Variants in RAPGEF2 observed in about 807,000 individuals in gnomAD.
RAPGEF2 encodes the protein Rap guanine nucleotide exchange factor 2.
RAPGEF2 carries 54 observed loss-of-function variants against 186.7 expected under a neutral mutation model. The ratio of observed to expected loss-of-function variants is 0.29; its 90% confidence interval spans 0.23 to 0.36. The LOEUF is 0.36. RAPGEF2 is among the 10% of genes least tolerant of loss of function. The probability of loss-of-function intolerance (pLI) is 1.00; values close to 1 mark genes in which losing one functional copy is unlikely to be tolerated. For missense variants in RAPGEF2, 1,532 were observed against 2,045.0 expected, an observed-to-expected ratio of 0.75 and a Z score of 4.84; for synonymous variants, 712 against 705.9, an observed-to-expected ratio of 1.01 and a Z score of -0.14.
chr4:159,348,513 A>G (rs191923515), intron 25 of RAPGEF2, among the ~76,000 whole-genome samples: 9 of 152,206 alleles, frequency 5.9e-5, no homozygotes, highest in African/African-American at 1.7e-4. Flanking sequence ...TCCTAGGTAC[A>G]TTTCTCCTTT....
At chr4:159,182,117 T>C (rs1432891850) in intron 1 of RAPGEF2, among the ~76,000 whole-genome samples, 8 of 152,204 alleles carry the variant, frequency 5.3e-5, no homozygotes, top group East Asian at 3.8e-4. Context: ...ATTGAACTTA[T>C]GGGACCTGTT....
At chr4:159,235,556 A>G (rs1413925402) in intron 4 of RAPGEF2, among the ~76,000 whole-genome samples, 1 of 152,190 alleles carries the variant, frequency 6.6e-6, no homozygotes, top group Non-Finnish European at 1.5e-5. Flanking sequence ...GTTATTTGCA[A>G]TCCTGAAGAT....
At chr4:159,139,196 GGGAACTC>G (rs1324373418) in intron 1 of RAPGEF2, among the ~76,000 whole-genome samples, 1 of 152,140 alleles carries the variant, frequency 6.6e-6, no homozygotes, top group African/African-American at 2.4e-5. Flanking sequence ...GCATAGTGCA[GGGAACTC>G]ACAGTCCAGT....
At chr4:159,266,565 T>C (rs1757451797) in intron 7 of RAPGEF2, among the ~76,000 whole-genome samples, 1 of 152,164 alleles carries the variant, frequency 6.6e-6, no homozygotes, top group African/African-American at 2.4e-5. Context: ...CTCTGAAGTT[T>C]GGTTTGGTTT....
intron 19 of RAPGEF2, among the ~76,000 whole-genome samples, chr4:159,339,890 C>T (rs368956208): frequency 6.6e-6 from 1 of 152,214 alleles, no homozygotes; most frequent in African/African-American, 2.4e-5. Context: ...CACTTCTTAA[C>T]GCTGAAACCA....
In RAPGEF2 at chr4:159,190,833, CAT is replaced by C. The variant is rs150060604; in HGVS notation, c.141-2366_141-2365del. Among the ~76,000 whole-genome samples, 1,260 of 152,312 alleles carry C rather than the reference CAT, an allele frequency of 8.3e-3. 16 individuals carry two copies. Among genetic ancestry groups the C allele is most frequent in the African/African-American group, 0.029 (1,188 of 41,572 alleles). On this transcript the variant is annotated intron_variant, in intron 2 of 29. Transcript: ENST00000691494. ...TTATCACCACTGATCCCTCTCATGA[CAT>C]GTGGGGATTATGGGAACTGCAATTC...
intron 19 of RAPGEF2, 121 bp from the exon 20 acceptor site, chr4:159,341,443 T>C (rs913223964): frequency 2.9e-6 from 3 of 1,022,624 alleles, no homozygotes; most frequent in Middle Eastern, 3.1e-4. Context: ...TAAAAAGAAA[T>C]CTTCCATAAT....
chr4:159,295,974 C>T (rs1206167160), intron 7 of RAPGEF2, among the ~76,000 whole-genome samples: 1 of 151,978 alleles, frequency 6.6e-6, no homozygotes, highest in Non-Finnish European at 1.5e-5. Context: ...TGACCCCAAG[C>T]GATCTTAGCT....
chr4:159,209,876 G>A (rs1231928141), intron 3 of RAPGEF2, among the ~76,000 whole-genome samples: 2 of 152,154 alleles, frequency 1.3e-5, no homozygotes, highest in Admixed American at 1.3e-4. Context: ...TCAGTAGGGG[G>A]TTGCTTAAGT....
At chr4:159,181,676 C>G (rs1747025520) in intron 1 of RAPGEF2, among the ~76,000 whole-genome samples, 1 of 148,062 alleles carries the variant, frequency 6.8e-6, no homozygotes, top group Non-Finnish European at 1.5e-5. Flanking sequence ...GCTGGAACTA[C>G]AGGCATGCAT....
intron 7 of RAPGEF2, among the ~76,000 whole-genome samples, chr4:159,301,728 A>T (rs1377552802): frequency 1.3e-5 from 2 of 152,156 alleles, no homozygotes; most frequent in African/African-American, 4.8e-5. Context: ...ACATGGTGGC[A>T]TGTGCCTGTG....
chr4:159,194,997 G>A (rs562181897), intron 3 of RAPGEF2, among the ~76,000 whole-genome samples: 7 of 152,316 alleles, frequency 4.6e-5, no homozygotes, highest in African/African-American at 1.7e-4. Context: ...GGAGGAGTCA[G>A]GGATGTTGGA....
intron 7 of RAPGEF2, among the ~76,000 whole-genome samples, chr4:159,290,207 A>C (rs1468518769): frequency 6.6e-6 from 1 of 152,234 alleles, no homozygotes; most frequent in Non-Finnish European, 1.5e-5. Context: ...GCTGTCACAC[A>C]TAGTGGGAGC....
intron 4 of RAPGEF2, chr4:159,229,303 CAAG>C (rs958025579): frequency 4.6e-5 from 7 of 152,100 alleles, no homozygotes; most frequent in Non-Finnish European, 7.4e-5. Context: ...TTCTGACGTA[CAAG>C]AAGAATGTGG....
chr4:159,105,661 A>T (rs560070040), intron 1 of RAPGEF2, among the ~76,000 whole-genome samples: 1 of 152,238 alleles, frequency 6.6e-6, no homozygotes, highest in African/African-American at 2.4e-5. Context: ...GGTGTTGCAC[A>T]CGCTGCCTTT....
intron 7 of RAPGEF2, among the ~76,000 whole-genome samples, chr4:159,293,385 G>A (rs946036528): frequency 2.0e-5 from 3 of 152,098 alleles, no homozygotes; most frequent in African/African-American, 7.2e-5. Context: ...TGACAGCATG[G>A]GCTTTATTTT....
chr4:159,108,939 G>A (rs1407834425), intron 1 of RAPGEF2, among the ~76,000 whole-genome samples: 1 of 152,006 alleles, frequency 6.6e-6, no homozygotes, highest in African/African-American at 2.4e-5. Flanking sequence ...GACTGGTCAT[G>A]AAGTCCTGGG....
intron 4 of RAPGEF2, chr4:159,228,398 A>C (rs960771742): frequency 3.3e-5 from 5 of 152,234 alleles, no homozygotes; most frequent in Admixed American, 6.5e-5. Flanking sequence ...TTAGTAGCTT[A>C]AGTATCGAAT....
chr4:159,178,922 AC>A (rs1302986255), intron 1 of RAPGEF2, among the ~76,000 whole-genome samples: 1 of 151,738 alleles, frequency 6.6e-6, no homozygotes, highest in Non-Finnish European at 1.5e-5. Flanking sequence ...GTGAACAATC[AC>A]CCCCCTAAAG....
Sources: gnomAD v4.1 joint callset for allele counts (sites outside exome capture counted in the v4.1 genomes callset) on GRCh38, gnomAD v4.1.1 for gene constraint, MANE v1.5 for transcripts, NCBI Gene and HGNC (gene_info 2026-07-23, HGNC 2026-07-21) for gene names.